Variants in TUBB8 observed in about 807,000 individuals in gnomAD.
The protein encoded by TUBB8 is tubulin beta 8 class VIII.
In TUBB8, 25 loss-of-function variants were observed where a neutral mutation model predicts 33.7. The observed-to-expected ratio is 0.74, with a 90% CI of 0.54 to 1.04. The LOEUF (loss-of-function observed/expected upper bound fraction) is 1.04. Among genes scored for constraint, TUBB8 ranks in the 50% least tolerant of loss-of-function variants. TUBB8 has a pLI of 0.00. For synonymous variants in TUBB8, 245 were observed against 240.1 expected (o/e 1.02, Z -0.19); for missense variants, 279 against 608.0 (o/e 0.46, Z 5.69).
upstream of TUBB8, among the ~76,000 whole-genome samples, chr10:52,677 C>T (rs1183486078): frequency 1.9e-3 from 293 of 151,968 alleles, no homozygotes; most frequent in Middle Eastern, 6.8e-3. Context: ...AAAAATGCTG[C>T]ACTCCTAGGA....
chr10:75,547 C>T (rs1449997820), upstream of TUBB8, among the ~76,000 whole-genome samples: 1 of 147,750 alleles, frequency 6.8e-6, no homozygotes, highest in African/African-American at 2.5e-5. Context: ...CGTAGCTACT[C>T]CGGAGGCTGA....
intron 1 of TUBB8, among the ~76,000 whole-genome samples, chr10:71,570 G>C (rs1169239552): frequency 1.3e-5 from 2 of 148,624 alleles, no homozygotes; most frequent in African/African-American, 5.0e-5. Flanking sequence ...GCAGTGAGCC[G>C]AGATCTCACC....
At chr10:63,749 TG>T (rs1241366962) in intron 1 of TUBB8, among the ~76,000 whole-genome samples, 1 of 152,266 alleles carries the variant, frequency 6.6e-6, no homozygotes, top group African/African-American at 2.4e-5. Flanking sequence ...ATTTCCTGTA[TG>T]AAAGGTCACA....
intron 1 of TUBB8, among the ~76,000 whole-genome samples, chr10:65,357 C>G (rs1275997064): frequency 7.2e-5 from 11 of 152,352 alleles, no homozygotes; most frequent in African/African-American, 2.2e-4. Flanking sequence ...CAATTTAATA[C>G]TAAACCACAC....
upstream of TUBB8, among the ~76,000 whole-genome samples, chr10:76,315 A>G (rs1834813939): frequency 4.6e-5 from 7 of 152,210 alleles, no homozygotes; most frequent in South Asian, 1.5e-3. Context: ...CGCATCGGTA[A>G]CCGGCATCTT....
chr10:52,552 G>T (rs1308141899), upstream of TUBB8, among the ~76,000 whole-genome samples: 1 of 152,236 alleles, frequency 6.6e-6, no homozygotes, highest in African/African-American at 2.4e-5. Flanking sequence ...TAAAGAGAAA[G>T]AGTTATAATT....
upstream of TUBB8, among the ~76,000 whole-genome samples, chr10:52,852 T>G (rs1269094965): frequency 6.6e-6 from 1 of 152,222 alleles, no homozygotes; most frequent in African/African-American, 2.4e-5. Context: ...GATAGAGAAT[T>G]CTAGTCATGT....
At chr10:58,546 G>A (rs1318303063) in intron 1 of TUBB8, among the ~76,000 whole-genome samples, 1 of 152,208 alleles carries the variant, frequency 6.6e-6, no homozygotes, top group Non-Finnish European at 1.5e-5. Flanking sequence ...TTCTGGGAAG[G>A]CCTCTGGAAG....
intron 1 of TUBB8, among the ~76,000 whole-genome samples, chr10:57,937 T>C (rs1186135175): frequency 2.0e-5 from 3 of 152,220 alleles, no homozygotes; most frequent in Non-Finnish European, 4.4e-5. Context: ...TTTAAGCTTT[T>C]ACCCTATGCT....
upstream of TUBB8, among the ~76,000 whole-genome samples, chr10:50,586 CA>C (rs1181268177): frequency 1.3e-5 from 2 of 152,198 alleles, no homozygotes; most frequent in African/African-American, 4.8e-5. Context: ...AGCAAAGCAG[CA>C]CTCTAACAAG....
At chr10:53,353 C>T (rs1330957664), upstream of TUBB8, among the ~76,000 whole-genome samples, 1 of 152,176 alleles carries the variant, frequency 6.6e-6, no homozygotes, top group African/African-American at 2.4e-5. Context: ...GTCTCAAACC[C>T]CTGACAACAA....
At chr10:53,869 G>T (rs372747878), upstream of TUBB8, among the ~76,000 whole-genome samples, 244 of 127,210 alleles carry the variant, frequency 1.9e-3, no homozygotes, top group Middle Eastern at 0.018. Context: ...TGCCTCATTA[G>T]ACTCTCCTCC....
intron 1 of TUBB8, among the ~76,000 whole-genome samples, chr10:56,198 CT>C (rs1834528501): frequency 6.6e-6 from 1 of 151,462 alleles, no homozygotes; most frequent in African/African-American, 2.5e-5. Flanking sequence ...ACTTTTATTT[CT>C]TTGGTAAATT....
chr10:62,847 T>G (rs1394050296), intron 1 of TUBB8, among the ~76,000 whole-genome samples: 7 of 152,218 alleles, frequency 4.6e-5, no homozygotes, highest in Non-Finnish European at 7.3e-5. Flanking sequence ...CCCTGAAAAG[T>G]CTGCTGTCAG....
chr10:61,998 AT>A (rs202027144), intron 1 of TUBB8, among the ~76,000 whole-genome samples: 115,327 of 150,654 alleles, frequency 0.77, 42,922 homozygotes, highest in Middle Eastern at 0.84. Context: ...TAGGTAAAGT[AT>A]TTTTTTTTTG....
chr10:73,894 C>T (rs1554742711), intron 1 of TUBB8: 1 of 152,614 alleles, frequency 6.6e-6, no homozygotes, highest in Non-Finnish European at 1.5e-5. Context: ...AGTCCACATA[C>T]AAACAGCCCG....
upstream of TUBB8, among the ~76,000 whole-genome samples, chr10:52,024 G>A (rs28440470): frequency 9.8e-3 from 1,499 of 152,280 alleles, 17 homozygotes; most frequent in African/African-American, 0.035. Flanking sequence ...AGAGCACAAG[G>A]TGGACAGTCC....
chr10:67,653 T>C (rs1554741782), intron 1 of TUBB8, among the ~76,000 whole-genome samples: 4 of 152,242 alleles, frequency 2.6e-5, no homozygotes. Flanking sequence ...ATTGATCTCC[T>C]GACCTCATGG....
intron 3 of TUBB8, 138 bp from the exon 4 acceptor site, chr10:48,252 C>G: frequency 9.8e-7 from 1 of 1,016,156 alleles, no homozygotes. Flanking sequence ...ATGAAACCCC[C>G]TCCCCCAGAG....
Sources: allele counts gnomAD v4.1 joint callset (sites outside exome capture counted in the v4.1 genomes callset), GRCh38; gene constraint gnomAD v4.1.1; transcripts MANE v1.5; gene names NCBI Gene and HGNC (gene_info 2026-07-23, HGNC 2026-07-21).